The following PGM5 variants were observed in gnomAD, a reference collection of about 807,000 sequenced individuals.
The protein encoded by PGM5 is phosphoglucomutase-like protein 5.
A neutral mutation model predicts 59.2 loss-of-function variants in PGM5; 23 were observed. The ratio of observed to expected loss-of-function variants is 0.39; its 90% CI spans 0.28 to 0.55. The LOEUF (loss-of-function observed/expected upper bound fraction) is 0.55. Ranked by LOEUF, PGM5 falls within the 20% of genes least tolerant of loss-of-function variation. The probability of loss-of-function intolerance (pLI) is 0.66; values close to 1 mark genes in which losing one functional copy is unlikely to be tolerated. For synonymous variants in PGM5, 214 were observed against 286.0 expected, an observed-to-expected ratio of 0.75 and a Z score of 2.54; for missense variants, 574 against 748.3, an observed-to-expected ratio of 0.77 and a Z score of 2.72.
chr9:68,431,565 A>AG, intron 6 of PGM5, among the ~76,000 whole-genome samples: 1 of 152,012 alleles, frequency 6.6e-6, no homozygotes, highest in Admixed American at 6.5e-5. Context: ...TTTCCAAAAG[A>AG]GGCAACCTGT....
intron 6 of PGM5, among the ~76,000 whole-genome samples, chr9:68,432,961 A>C (rs782477334): frequency 2.6e-5 from 4 of 152,156 alleles, no homozygotes; most frequent in African/African-American, 4.8e-5. Flanking sequence ...CCATGATGGA[A>C]TCTTGTACAC....
In PGM5 at chr9:68,468,175, T is replaced by C. The variant is rs116524020; in HGVS notation, c.1159+2967T>C. Among the ~76,000 whole-genome samples, 668 of 151,378 alleles carry C rather than the reference T, an allele frequency of 4.4e-3. 6 individuals are homozygous for C. The highest frequency in any genetic ancestry group is 0.015 in the African/African-American group (593 of 40,720). ...ATAATTGTCGTTTCTGCTCCTCTCC[T>C]TCCTCCCACCCTACTCCTCAAGAAG... On this transcript the variant is annotated intron_variant, in intron 7 of 10. Transcript: ENST00000396396.
intron 1 of PGM5, among the ~76,000 whole-genome samples, chr9:68,362,494 T>A (rs1390455976): frequency 6.6e-6 from 1 of 152,248 alleles, no homozygotes; most frequent in Non-Finnish European, 1.5e-5. Flanking sequence ...ATATAAACTA[T>A]GTCATACTAT....
At chr9:68,490,784 C>T (rs1380005096) in intron 9 of PGM5, among the ~76,000 whole-genome samples, 4 of 152,122 alleles carry the variant, frequency 2.6e-5, no homozygotes, top group African/African-American at 9.7e-5. Flanking sequence ...GAAGTAGAGC[C>T]TCAGAAATCA....
chr9:68,373,050 G>T (rs1330855361), intron 1 of PGM5, among the ~76,000 whole-genome samples: 1 of 151,072 alleles, frequency 6.6e-6, no homozygotes, highest in East Asian at 1.9e-4. Context: ...CAGCCACTTG[G>T]CTCATGAGCC....
chr9:68,406,333 G>A (rs1822808188), intron 6 of PGM5: 3 of 151,346 alleles, frequency 2.0e-5, no homozygotes, highest in African/African-American at 7.3e-5. Context: ...CCAAGGTCCA[G>A]GGGCATAACA....
intron 10 of PGM5, among the ~76,000 whole-genome samples, chr9:68,513,256 G>C (rs1554689516): frequency 6.6e-6 from 1 of 152,232 alleles, no homozygotes; most frequent in East Asian, 1.9e-4. Flanking sequence ...TGAGGCTTCT[G>C]AGGTTGAACT....
intron 8 of PGM5, 62 bp downstream of exon 8, chr9:68,479,615 T>A: frequency 6.5e-7 from 1 of 1,541,412 alleles, no homozygotes. Flanking sequence ...AACAGGTTTC[T>A]AAAACTGATG....
intron 6 of PGM5, among the ~76,000 whole-genome samples, chr9:68,399,810 G>T (rs1554680402): frequency 6.6e-6 from 1 of 152,132 alleles, no homozygotes; most frequent in Non-Finnish European, 1.5e-5. Context: ...TCAGTAGACA[G>T]ATCTGTTATA....
intron 10 of PGM5, among the ~76,000 whole-genome samples, chr9:68,525,391 A>G (rs1824955986): frequency 1.3e-5 from 2 of 152,154 alleles, no homozygotes; most frequent in Admixed American, 1.3e-4. Flanking sequence ...GCACATATAT[A>G]CTGTCATGCA....
At chr9:68,527,188 A>G (rs1473086506) in intron 10 of PGM5, among the ~76,000 whole-genome samples, 1 of 152,240 alleles carries the variant, frequency 6.6e-6, no homozygotes, top group Non-Finnish European at 1.5e-5. Flanking sequence ...AATAGGTACC[A>G]CCACTTAAAG....
At chr9:68,474,064 G>T (rs180703323) in intron 7 of PGM5, among the ~76,000 whole-genome samples, 2 of 152,108 alleles carry the variant, frequency 1.3e-5, no homozygotes, top group Non-Finnish European at 2.9e-5. Flanking sequence ...TTTCAAGCCC[G>T]GCTGCCTGTG....
At chr9:68,431,423 G>T (rs1438401711) in intron 6 of PGM5, among the ~76,000 whole-genome samples, 6 of 152,228 alleles carry the variant, frequency 3.9e-5, no homozygotes, top group Non-Finnish European at 7.3e-5. Flanking sequence ...TGGAGGCCTT[G>T]AGGGTTCAGA....
At chr9:68,459,970 G>A (rs189505265) in intron 6 of PGM5, among the ~76,000 whole-genome samples, 248 of 152,264 alleles carry the variant, frequency 1.6e-3, no homozygotes, top group Non-Finnish European at 2.7e-3. Flanking sequence ...GTGTATTTGA[G>A]GGTCTTAAAA....
At chr9:68,528,294 G>A (rs1353352659) in intron 10 of PGM5, among the ~76,000 whole-genome samples, 1 of 151,948 alleles carries the variant, frequency 6.6e-6, no homozygotes, top group Admixed American at 6.6e-5. Flanking sequence ...ACCCAGGTTG[G>A]AATGCAGTTA....
intron 6 of PGM5, among the ~76,000 whole-genome samples, chr9:68,441,596 T>G: frequency 6.6e-6 from 1 of 152,142 alleles, no homozygotes; most frequent in African/African-American, 2.4e-5. Context: ...AAAAGGTAAC[T>G]TCTTCAAACA....
chr9:68,378,405 T>A (rs1307633627), intron 2 of PGM5, 44 bp downstream of exon 2: 20 of 1,525,928 alleles, frequency 1.3e-5, no homozygotes, highest in Non-Finnish European at 1.6e-5. Flanking sequence ...ATTTCTTTCC[T>A]CTTATATTAT....
intron 9 of PGM5, among the ~76,000 whole-genome samples, chr9:68,487,429 TTCTCTC>T (rs147613742): frequency 8.4e-6 from 1 of 119,050 alleles, no homozygotes; most frequent in Admixed American, 8.4e-5. Context: ...GATACAACTA[TTCTCTC>T]TCTCTCTCTC....
intron 7 of PGM5, among the ~76,000 whole-genome samples, chr9:68,478,788 C>T (rs1413309177): frequency 2.0e-5 from 3 of 152,200 alleles, no homozygotes; most frequent in African/African-American, 4.8e-5. Flanking sequence ...GATAATCTCA[C>T]CTCAAGATTC....
Sources: allele counts gnomAD v4.1 joint callset (sites outside exome capture counted in the v4.1 genomes callset), GRCh38; gene constraint gnomAD v4.1.1; transcripts MANE v1.5; gene names NCBI Gene and HGNC (gene_info 2026-07-23, HGNC 2026-07-21).